RSRC1: variants seen among roughly 807,000 people sequenced by gnomAD.
The protein encoded by RSRC1 is serine/Arginine-related protein 53.
Under a neutral mutation model 49.1 loss-of-function variants are expected in RSRC1, and 39 were observed. The observed-to-expected ratio is 0.79, with a 90% CI of 0.61 to 1.04. RSRC1 has a LOEUF of 1.04. RSRC1 is among the 50% of genes least tolerant of loss of function. The probability of loss-of-function intolerance (pLI) is 0.00; values close to 1 mark genes in which losing one functional copy is unlikely to be tolerated. For missense variants in RSRC1, 388 were observed against 402.4 expected (o/e 0.96, Z 0.31); for synonymous variants, 143 against 130.8 (o/e 1.09, Z -0.63).
intron 6 of RSRC1, among the ~76,000 whole-genome samples, chr3:158,413,645 GAA>G (rs138249830): frequency 0.044 from 6,627 of 149,154 alleles, 211 homozygotes; most frequent in South Asian, 0.077. Flanking sequence ...AATTACAAGA[GAA>G]AAAAAAAGCC....
Position 158,268,111 on chromosome 3 carries a change from G to A in RSRC1, c.495-29928G>A, listed in dbSNP as rs1002072563. Among the ~76,000 whole-genome samples, 4 of 152,134 alleles carry A rather than the reference G, an allele frequency of 2.6e-5. No individual in the cohort carries two copies. The South Asian group carries it at 8.3e-4, about 32-fold the overall frequency. On this transcript the variant is annotated intron_variant, in intron 4 of 9. Coordinates refer to ENST00000611884, the MANE Select transcript of RSRC1 (RefSeq NM_001271838.2). ...ATTTTATTGTCAGCTAAGAATTTAA[G>A]TAGAGATAGAGCTCACTCTGTCTGT...
At chr3:158,299,248 T>A (rs562545007) in intron 5 of RSRC1, among the ~76,000 whole-genome samples, 4 of 152,268 alleles carry the variant, frequency 2.6e-5, no homozygotes, top group Admixed American at 6.5e-5. Context: ...CACATTCCAG[T>A]ATCAGTTAGG....
At chr3:158,202,945 C>T (rs903980737) in intron 3 of RSRC1, 127 bp from the exon 4 acceptor site, 15 of 608,574 alleles carry the variant, frequency 2.5e-5, no homozygotes, top group South Asian at 9.8e-5. Context: ...GCTTGCTTCA[C>T]GTGGTTATTT....
chr3:158,182,683 T>C (rs1719693323), intron 3 of RSRC1, among the ~76,000 whole-genome samples: 1 of 152,176 alleles, frequency 6.6e-6, no homozygotes, highest in African/African-American at 2.4e-5. Flanking sequence ...CCAGACTGAG[T>C]GCTCTGTGTT....
chr3:158,457,506 C>A (rs1310126323), intron 6 of RSRC1, among the ~76,000 whole-genome samples: 1 of 152,052 alleles, frequency 6.6e-6, no homozygotes, highest in Non-Finnish European at 1.5e-5. Context: ...AAAAACAGTT[C>A]TGGTGATCAG....
chr3:158,191,249 A>G (rs1004661053), intron 3 of RSRC1, among the ~76,000 whole-genome samples: 2 of 151,990 alleles, frequency 1.3e-5, no homozygotes, highest in Admixed American at 6.6e-5. Context: ...AGGGAGTGAA[A>G]TTAGGTGTCC....
intron 4 of RSRC1, among the ~76,000 whole-genome samples, chr3:158,264,910 T>A (rs376385703): frequency 1.3e-5 from 2 of 152,366 alleles, no homozygotes; most frequent in South Asian, 2.1e-4. Flanking sequence ...AATCTCCAAT[T>A]CTTTGAAATT....
chr3:158,449,509 A>G (rs1475822952), intron 6 of RSRC1, among the ~76,000 whole-genome samples: 2 of 151,916 alleles, frequency 1.3e-5, no homozygotes, highest in African/African-American at 4.8e-5. Flanking sequence ...AGGATTCTGT[A>G]TTGTGTTGCC....
chr3:158,163,780 G>A (rs1289774057), intron 3 of RSRC1, among the ~76,000 whole-genome samples: 1 of 147,928 alleles, frequency 6.8e-6, no homozygotes, highest in Non-Finnish European at 1.5e-5. Context: ...TTTAATGTTA[G>A]CAAGAGTGTT....
In RSRC1 at chr3:158,289,924, T is replaced by TATCCATCCATCCATCC. The variant is rs138336070; in HGVS notation, c.495-8093_495-8078dup. ...AAATTTATCTGTCTTTCTATCTTTC[T>TATCCATCCATCCATCC]ATCCATCCATCCATCCATCCATCCA... On this transcript the variant is annotated intron_variant, in intron 4 of 9. Coordinates refer to ENST00000611884, the MANE Select transcript of RSRC1 (RefSeq NM_001271838.2). 6.8e-3 allele frequency among the ~76,000 whole-genome samples: 1,025 copies of TATCCATCCATCCATCC among 149,890 alleles called. 9 individuals are homozygous for TATCCATCCATCCATCC. The highest frequency in any genetic ancestry group is 0.024 in the African/African-American group (987 of 40,696).
intron 6 of RSRC1, among the ~76,000 whole-genome samples, chr3:158,384,429 G>T (rs190498636): frequency 1.3e-5 from 2 of 152,144 alleles, no homozygotes; most frequent in Non-Finnish European, 2.9e-5. Flanking sequence ...GGGAGGGAAT[G>T]TGGGAACCAA....
intron 3 of RSRC1, among the ~76,000 whole-genome samples, chr3:158,164,505 A>T (rs537100797): frequency 6.6e-6 from 1 of 152,220 alleles, no homozygotes; most frequent in East Asian, 1.9e-4. Flanking sequence ...GAATGATTTT[A>T]TATTGTATTT....
intron 6 of RSRC1, among the ~76,000 whole-genome samples, chr3:158,365,194 G>A (rs775984531): frequency 3.3e-5 from 5 of 152,082 alleles, no homozygotes; most frequent in South Asian, 2.1e-4. Context: ...TACATGTGCC[G>A]AACATGCAGA....
chr3:158,465,980 ATCTG>A (rs1185159674), intron 7 of RSRC1, among the ~76,000 whole-genome samples: 1 of 152,146 alleles, frequency 6.6e-6, no homozygotes, highest in Non-Finnish European at 1.5e-5. Flanking sequence ...TATCCTAGCC[ATCTG>A]TCTTATTTCC....
At chr3:158,435,143 G>A (rs1735980130) in intron 6 of RSRC1, among the ~76,000 whole-genome samples, 1 of 151,842 alleles carries the variant, frequency 6.6e-6, no homozygotes, top group Non-Finnish European at 1.5e-5. Flanking sequence ...TAGTTTGAAA[G>A]AACACTGTGT....
intron 5 of RSRC1, among the ~76,000 whole-genome samples, chr3:158,302,390 ATGT>A (rs1727604094): frequency 6.6e-6 from 1 of 152,046 alleles, no homozygotes; most frequent in African/African-American, 2.4e-5. Context: ...ACTGCTTATA[ATGT>A]TGTGCTTAAT....
chr3:158,318,026 CGTGTGT>C (rs143213290), intron 5 of RSRC1, among the ~76,000 whole-genome samples: 2 of 149,308 alleles, frequency 1.3e-5, no homozygotes, highest in Admixed American at 6.7e-5. Context: ...TTTGTGTGTG[CGTGTGT>C]GTGTGTGTGT....
At chr3:158,285,874 T>A (rs910457531) in intron 4 of RSRC1, among the ~76,000 whole-genome samples, 2 of 152,236 alleles carry the variant, frequency 1.3e-5, no homozygotes, top group African/African-American at 4.8e-5. Context: ...CCTAATTGAA[T>A]ACTCTTTATT....
chr3:158,309,462 A>T (rs1728014643), intron 5 of RSRC1, among the ~76,000 whole-genome samples: 1 of 151,856 alleles, frequency 6.6e-6, no homozygotes, highest in Non-Finnish European at 1.5e-5. Context: ...CTAGCATTTA[A>T]TAAACGTTTA....
Sources: gnomAD v4.1 joint callset for allele counts (sites outside exome capture counted in the v4.1 genomes callset) on GRCh38, gnomAD v4.1.1 for gene constraint, MANE v1.5 for transcripts, NCBI Gene and HGNC (gene_info 2026-07-23, HGNC 2026-07-21) for gene names.